Variants in EXOC4 observed in about 807,000 individuals in gnomAD.
EXOC4 encodes SEC8-like 1.
Under a neutral mutation model 107.2 loss-of-function variants are expected in EXOC4, and 71 were observed. That is an observed-to-expected ratio of 0.66 (90% CI 0.55 to 0.81). EXOC4 has a LOEUF of 0.81. EXOC4 is among the 30% of genes least tolerant of loss of function. The probability of loss-of-function intolerance (pLI) is 0.00; values close to 1 mark genes in which losing one functional copy is unlikely to be tolerated. For synonymous variants in EXOC4, 456 were observed against 441.2 expected (o/e 1.03, Z -0.42); for missense variants, 1,108 against 1,189.6 (o/e 0.93, Z 1.01).
chr7:133,478,325 AG>A (rs1799069911), intron 8 of EXOC4, among the ~76,000 whole-genome samples: 2 of 151,928 alleles, frequency 1.3e-5, no homozygotes, highest in Non-Finnish European at 2.9e-5. Context: ...AAAAAAAAAA[AG>A]AAATTGTTGG....
intron 10 of EXOC4, among the ~76,000 whole-genome samples, chr7:133,753,631 G>T (rs1349967804): frequency 6.6e-6 from 1 of 152,190 alleles, no homozygotes; most frequent in East Asian, 1.9e-4. Flanking sequence ...ATTTCTCCAG[G>T]TGAACAAGGA....
At chr7:133,883,448 C>G (rs1490920933) in intron 11 of EXOC4, among the ~76,000 whole-genome samples, 6 of 145,058 alleles carry the variant, frequency 4.1e-5, no homozygotes, top group Non-Finnish European at 9.0e-5. Flanking sequence ...TTTAAGCAGG[C>G]TGGGCAACAT....
rs531461738 is a variant in EXOC4 at position 133,289,064 on chromosome 7, A to G, written c.419A>G (p.Lys140Arg). 7.4e-6 allele frequency: 12 copies of G among 1,614,090 alleles called. No individual in the cohort carries two copies. The highest frequency in any genetic ancestry group is 1.0e-5 in the Non-Finnish European group (12 of 1,180,030). The change falls in exon 3 of 18, where the codon AAG becomes AGG. Residue 140 changes from lysine to arginine, a missense_variant. Transcript: ENST00000253861. ...GAGAATATCAAGCAAGTGCCTCAAAAGCTGGAACAGTGCATGGCCAGCAAG... is the reference window on the plus strand; with the variant it reads ...GAGAATATCAAGCAAGTGCCTCAAAGGCTGGAACAGTGCATGGCCAGCAAG... Reference protein sequence around the residue: ...EIENIKQVPQKLEQCMASKHY... With the variant: ...EIENIKQVPQRLEQCMASKHY...
At chr7:133,705,835 G>A (rs1006469784) in intron 10 of EXOC4, among the ~76,000 whole-genome samples, 5 of 152,212 alleles carry the variant, frequency 3.3e-5, no homozygotes, top group Non-Finnish European at 7.3e-5. Context: ...ACACTACTCA[G>A]AATGGTGTGC....
At chr7:134,099,773 C>T in the EXOC4 span, among the ~76,000 whole-genome samples, 3 of 152,102 alleles carry the variant, frequency 2.0e-5, no homozygotes, top group Non-Finnish European at 2.9e-5. Context: ...ATGGCGAAAT[C>T]TCAGTTCACT....
chr7:133,822,502 T>C (rs1292285087), intron 11 of EXOC4, among the ~76,000 whole-genome samples: 1 of 152,228 alleles, frequency 6.6e-6, no homozygotes, highest in East Asian at 1.9e-4. Context: ...CTATCACCAA[T>C]GGAATATGCC....
intron 5 of EXOC4, among the ~76,000 whole-genome samples, chr7:133,326,198 T>G (rs1403571831): frequency 2.0e-5 from 3 of 152,256 alleles, no homozygotes; most frequent in Non-Finnish European, 4.4e-5. Flanking sequence ...GTCTGAAGCC[T>G]TCTCTAAACT....
intron 7 of EXOC4, among the ~76,000 whole-genome samples, chr7:133,468,511 CATT>C (rs936113810): frequency 1.3e-5 from 2 of 152,022 alleles, no homozygotes; most frequent in South Asian, 2.1e-4. Flanking sequence ...TTAAAAATAT[CATT>C]ATATTATTTC....
the EXOC4 span, among the ~76,000 whole-genome samples, chr7:134,098,165 C>T: frequency 6.6e-5 from 10 of 152,268 alleles, no homozygotes; most frequent in African/African-American, 2.2e-4. Context: ...GGATGTCGGG[C>T]AGCTGAAGGG....
rs538064717 is a variant in EXOC4 at position 133,547,302 on chromosome 7, TG to T, written c.1417+67165del. ...ATCTTAATTTATTGATCAGCTTTAT[TG>T]ATAAAAAATACTGATGATCATCTGA... On this transcript the variant is annotated intron_variant, in intron 9 of 17. Coordinates refer to ENST00000253861, the MANE Select transcript of EXOC4 (RefSeq NM_021807.4). Among the ~76,000 whole-genome samples, 16 of 152,320 alleles carry T rather than the reference TG, an allele frequency of 1.1e-4. No homozygotes were observed. The East Asian group carries it at 3.1e-3, about 29-fold the overall frequency.
At chr7:133,684,937 A>G (rs768424276) in intron 10 of EXOC4, among the ~76,000 whole-genome samples, 5 of 152,286 alleles carry the variant, frequency 3.3e-5, no homozygotes, top group East Asian at 3.9e-4. Context: ...TACCTCGTCA[A>G]TTAAAGGGTA....
At chr7:133,535,472 A>G (rs1339209549) in intron 9 of EXOC4, among the ~76,000 whole-genome samples, 2 of 152,174 alleles carry the variant, frequency 1.3e-5, no homozygotes, top group Admixed American at 1.3e-4. Flanking sequence ...AGCTGTGTGA[A>G]TCCTAACTTC....
At chr7:133,472,335 G>A (rs1300195945) in intron 7 of EXOC4, among the ~76,000 whole-genome samples, 5 of 152,150 alleles carry the variant, frequency 3.3e-5, no homozygotes, top group Non-Finnish European at 7.3e-5. Flanking sequence ...ACAGGAGTGG[G>A]CAAACTAATA....
At chr7:133,346,748 T>C (rs1369297192) in intron 5 of EXOC4, among the ~76,000 whole-genome samples, 2 of 152,202 alleles carry the variant, frequency 1.3e-5, no homozygotes, top group Non-Finnish European at 2.9e-5. Flanking sequence ...GGGATAATAT[T>C]CTTGAATACA....
chr7:133,438,889 T>A (rs1431817223), intron 7 of EXOC4, among the ~76,000 whole-genome samples: 1 of 152,210 alleles, frequency 6.6e-6, no homozygotes, highest in Non-Finnish European at 1.5e-5. Context: ...ACCTGTTGCT[T>A]ACAGATGACA....
At chr7:133,716,464 A>G (rs1411134604) in intron 10 of EXOC4, among the ~76,000 whole-genome samples, 1 of 152,236 alleles carries the variant, frequency 6.6e-6, no homozygotes, top group Non-Finnish European at 1.5e-5. Context: ...CTGCCTATTC[A>G]CAGAATAGTG....
intron 1 of EXOC4, among the ~76,000 whole-genome samples, chr7:133,263,099 G>T (rs1793612333): frequency 6.6e-6 from 1 of 152,096 alleles, no homozygotes; most frequent in African/African-American, 2.4e-5. Context: ...ATGATTGTGA[G>T]GCCTCCTCAG....
chr7:133,412,287 T>TTTTG, intron 7 of EXOC4, among the ~76,000 whole-genome samples: 1 of 146,072 alleles, frequency 6.8e-6, no homozygotes, highest in Non-Finnish European at 1.5e-5. Context: ...AGTTTTTTTT[T>TTTTG]TTTTTTTTTT....
intron 17 of EXOC4, among the ~76,000 whole-genome samples, chr7:134,018,418 A>G (rs1439416999): frequency 1.3e-5 from 2 of 152,104 alleles, no homozygotes; most frequent in African/African-American, 4.8e-5. Context: ...TTTATCATAT[A>G]CAGGAAGAAA....
Sources: gnomAD v4.1 joint callset for allele counts (sites outside exome capture counted in the v4.1 genomes callset) on GRCh38, gnomAD v4.1.1 for gene constraint, MANE v1.5 for transcripts, NCBI Gene and HGNC (gene_info 2026-07-23, HGNC 2026-07-21) for gene names.